The following PTPRN2 variants were observed in gnomAD, a reference collection of about 807,000 sequenced individuals.
The protein encoded by PTPRN2 is receptor-type tyrosine-protein phosphatase N2.
In PTPRN2, 74 loss-of-function variants were observed where a neutral mutation model predicts 118.8. That is an observed-to-expected ratio of 0.62 (90% CI 0.52 to 0.76). The LOEUF is 0.76. Ranked by LOEUF, PTPRN2 falls within the 30% of genes least tolerant of loss-of-function variation. The pLI is 0.00. For missense variants in PTPRN2, 1,481 were observed against 1,394.4 expected (o/e 1.06, Z -0.99); for synonymous variants, 641 against 608.0 (o/e 1.05, Z -0.80).
intron 2 of PTPRN2, among the ~76,000 whole-genome samples, chr7:158,366,159 C>A (rs1809488587): frequency 6.8e-6 from 1 of 146,534 alleles, no homozygotes; most frequent in Non-Finnish European, 1.5e-5. Flanking sequence ...ACACCCACAG[C>A]ATCCCTGGGA....
intron 11 of PTPRN2, among the ~76,000 whole-genome samples, chr7:157,904,484 T>A (rs1797649203): frequency 6.6e-6 from 1 of 152,192 alleles, no homozygotes; most frequent in Non-Finnish European, 1.5e-5. Context: ...CACCATCCTC[T>A]GGAAAGCCCG....
Position 158,214,944 on chromosome 7 carries a change from C to G in PTPRN2, c.278-9671G>C, listed in dbSNP as rs116534674. Among the ~76,000 whole-genome samples, 724 of 152,156 alleles carry G rather than the reference C, an allele frequency of 4.8e-3. 8 individuals carry two copies. The highest frequency in any genetic ancestry group is 0.017 in the African/African-American group (691 of 41,516). ...TGAGATCCAGAATCATGACATAATA[C>G]AAAAATGTCCAGATTTCAAAAGAAA... On this transcript the variant is annotated intron_variant, in intron 3 of 22. Transcript: ENST00000389418.
intron 10 of PTPRN2, among the ~76,000 whole-genome samples, chr7:158,098,167 C>T (rs2150337943): frequency 6.6e-6 from 1 of 152,368 alleles, no homozygotes; most frequent in East Asian, 1.9e-4. Context: ...GGCACCAGAA[C>T]TCAAGACCCA....
chr7:158,011,400 G>A (rs1308438117), intron 11 of PTPRN2, among the ~76,000 whole-genome samples: 1 of 152,156 alleles, frequency 6.6e-6, no homozygotes, highest in African/African-American at 2.4e-5. Flanking sequence ...AATCAAAGAT[G>A]CACAAAAGAT....
chr7:158,403,634 T>C (rs1397728264), intron 2 of PTPRN2, among the ~76,000 whole-genome samples: 1 of 152,000 alleles, frequency 6.6e-6, no homozygotes, highest in African/African-American at 2.4e-5. Context: ...GGACTGGAAG[T>C]GGGCTAAGGT....
At position 158,152,630 on chromosome 7, in the gene PTPRN2, C is replaced by T. The variant is rs373430045; in HGVS notation, c.911-14115G>A. On this transcript the variant is annotated intron_variant, in intron 6 of 22. Transcript: ENST00000389418. ...CTCCACAGACCTAGGTGAGGACAGG[C>T]ACTCCTGCCTTCACCACCAAATGCT... Among the ~76,000 whole-genome samples, 16 of 152,306 alleles carry T rather than the reference C, an allele frequency of 1.1e-4. No individual in the cohort carries two copies. The East Asian group carries it at 2.1e-3, about 20-fold the overall frequency.
chr7:158,547,162 G>T (rs1826339580), intron 1 of PTPRN2, among the ~76,000 whole-genome samples: 1 of 151,996 alleles, frequency 6.6e-6, no homozygotes, highest in South Asian at 2.1e-4. Context: ...TTTTAACTGT[G>T]GTAAGATGCA....
At chr7:157,668,498 T>C (rs968726278) in intron 13 of PTPRN2, among the ~76,000 whole-genome samples, 4 of 152,078 alleles carry the variant, frequency 2.6e-5, no homozygotes, top group African/African-American at 9.7e-5. Flanking sequence ...AGGACAACAC[T>C]AAGGAATTAA....
rs1265857921 is a variant in PTPRN2, at chr7:157,674,727, C to T, written c.2001+7998G>A. Among the ~76,000 whole-genome samples, 5 of 152,220 alleles carry T rather than the reference C, an allele frequency of 3.3e-5. No homozygotes were observed. The highest frequency in any genetic ancestry group is 4.1e-4 in the South Asian group (2 of 4,828). ...GACCCTCGGCCCCAAGGTGAGGCCC[C>T]GCGCAGGTACCTCTGTACACGCCTG... On this transcript the variant is annotated intron_variant, in intron 13 of 22. Transcript: ENST00000389418. The surrounding 1 kb of genome is among the most constrained non-coding windows in gnomAD (Gnocchi z 4.5).
chr7:158,377,699 G>A (rs1055434944), intron 2 of PTPRN2, among the ~76,000 whole-genome samples: 4 of 152,172 alleles, frequency 2.6e-5, no homozygotes, highest in African/African-American at 4.8e-5. Context: ...ACAGCTTTAC[G>A]CACGACAGCT....
chr7:157,687,441 C>T (rs1451422779), intron 12 of PTPRN2, among the ~76,000 whole-genome samples: 1 of 152,184 alleles, frequency 6.6e-6, no homozygotes, highest in Admixed American at 6.5e-5. Context: ...AATATGCTTG[C>T]ATCATAAAGA....
chr7:158,393,741 G>A (rs1812120503), intron 2 of PTPRN2, among the ~76,000 whole-genome samples: 1 of 152,140 alleles, frequency 6.6e-6, no homozygotes, highest in African/African-American at 2.4e-5. Flanking sequence ...CACTGGTGAA[G>A]AAGGAATCAT....
At position 158,220,683 on chromosome 7, in the gene PTPRN2, C is replaced by T. The variant is rs377424797; in HGVS notation, c.278-15410G>A. Among the ~76,000 whole-genome samples, 21 of 151,790 alleles carry T rather than the reference C, an allele frequency of 1.4e-4. No homozygotes were observed. The East Asian group carries it at 2.7e-3, about 20-fold the overall frequency. ...TAACCAAGAAAGTGAAAGATCTCTACAAGAATTAAAAAACACTGCAGAGAT... is the reference window on the plus strand; with the variant it reads ...TAACCAAGAAAGTGAAAGATCTCTATAAGAATTAAAAAACACTGCAGAGAT... On this transcript the variant is annotated intron_variant, in intron 3 of 22. Coordinates refer to ENST00000389418, the MANE Select transcript of PTPRN2 (RefSeq NM_002847.5).
chr7:158,258,012 C>A (rs540252232), intron 3 of PTPRN2, among the ~76,000 whole-genome samples: 3 of 152,348 alleles, frequency 2.0e-5, no homozygotes, highest in African/African-American at 7.2e-5. Flanking sequence ...CTAAGGCTTT[C>A]TTGAGAGGCA....
At chr7:158,219,685 A>C (rs1415646278) in intron 3 of PTPRN2, among the ~76,000 whole-genome samples, 1 of 151,904 alleles carries the variant, frequency 6.6e-6, no homozygotes, top group East Asian at 1.9e-4. Context: ...AGAAGACCTA[A>C]ATAAGCACAA....
rs1460201073 is a variant in PTPRN2 at position 157,794,386 on chromosome 7, C to T, written c.1788+104287G>A. On this transcript the variant is annotated intron_variant, in intron 12 of 22. Transcript: ENST00000389418. The surrounding 1 kb of genome is among the most constrained non-coding windows in gnomAD (Gnocchi z 5.2). ...TCTGCGTCTGGCCGGCCTACGGGCA[C>T]TCGGGCAGTGCGGTGACCAATTATA... 2.6e-5 allele frequency among the ~76,000 whole-genome samples: 4 copies of T among 152,232 alleles called. No individual in the cohort carries two copies. Among genetic ancestry groups the T allele is most frequent in the African/African-American group, 7.2e-5 (3 of 41,460 alleles).
chr7:158,447,236 C>T lies in PTPRN2; in HGVS notation c.163+42499G>A, dbSNP rs75023252. Among the ~76,000 whole-genome samples, 96 of 152,326 alleles carry T rather than the reference C, an allele frequency of 6.3e-4. 1 individual carries two copies. In the East Asian group the frequency reaches 0.016, roughly 25 times the overall value. ...TCCCCAGACAACACTCGGTGCCTCC[C>T]TGCAGCCTCCACCGTTAAGCAAAAG... On this transcript the variant is annotated intron_variant, in intron 2 of 22. Transcript: ENST00000389418.
intron 2 of PTPRN2, among the ~76,000 whole-genome samples, chr7:158,419,262 A>G (rs1815049132): frequency 6.6e-6 from 1 of 152,230 alleles, no homozygotes; most frequent in African/African-American, 2.4e-5. Flanking sequence ...TGCTATCTCA[A>G]AGCTAAAAGT....
intron 12 of PTPRN2, among the ~76,000 whole-genome samples, chr7:157,849,688 G>A (rs982010261): frequency 1.3e-5 from 2 of 152,152 alleles, no homozygotes; most frequent in Admixed American, 6.5e-5. Context: ...GGACATTTAC[G>A]GGAACCACAT....
Sources: gnomAD v4.1 joint callset for allele counts (sites outside exome capture counted in the v4.1 genomes callset) on GRCh38, gnomAD v4.1.1 for gene constraint, Gnocchi (gnomAD v3.1) non-coding constraint, MANE v1.5 for transcripts, NCBI Gene and HGNC (gene_info 2026-07-23, HGNC 2026-07-21) for gene names.